Variants in HMCN2 observed in about 807,000 individuals in gnomAD.
The protein encoded by HMCN2 is hemicentin-2.
HMCN2 carries 325 observed loss-of-function variants against 377.5 expected under a neutral mutation model. The ratio of observed to expected loss-of-function variants is 0.86; its 90% confidence interval spans 0.79 to 0.94. HMCN2 has a LOEUF of 0.94. HMCN2 is among the 40% of genes least tolerant of loss of function. The pLI, the probability that HMCN2 is intolerant of heterozygous loss-of-function variation, is 0.00. For missense variants in HMCN2, 4,543 were observed against 4,725.3 expected, an observed-to-expected ratio of 0.96 and a Z score of 1.13; for synonymous variants, 2,007 against 2,046.8, an observed-to-expected ratio of 0.98 and a Z score of 0.53.
intron 23 of HMCN2, among the ~76,000 whole-genome samples, chr9:130,340,380 C>T: frequency 6.6e-6 from 1 of 152,340 alleles, no homozygotes; most frequent in Middle Eastern, 3.4e-3. Flanking sequence ...AGCAGGGTCC[C>T]TTGGCTATAA....
chr9:130,410,592 C>G lies in HMCN2; in HGVS notation c.12901C>G (p.Gln4301Glu). ...GCAGAGGGACGATGCGGGACGGTAC[C>G]AGTGCCTGGCAGAGAATGAGATGGG... ...RTERDDAGRYQCLAENEMGVA... is the reference protein window; with the variant it reads ...RTERDDAGRYECLAENEMGVA... The change falls in exon 85 of 98, where the codon CAG becomes GAG. Residue 4301 changes from glutamine (Q) to glutamate (E), a missense_variant. Physicochemically the swap from Gln to Glu is conservative, Grantham distance 29 (BLOSUM62 2). Coordinates refer to ENST00000683500, the MANE Select transcript of HMCN2 (RefSeq NM_001291815.2). 1 of 1,550,576 alleles carries G rather than the reference C, an allele frequency of 6.4e-7. No homozygotes were observed. Among genetic ancestry groups the G allele is most frequent in the Non-Finnish European group, 8.7e-7 (1 of 1,147,014 alleles).
Position 130,398,797 on chromosome 9 carries a change from G to A in HMCN2, c.11483+90G>A, listed in dbSNP as rs549161143. 4.6e-5 allele frequency: 52 copies of A among 1,118,984 alleles called. 3 individuals are homozygous for A. In the East Asian group the frequency reaches 5.4e-4, roughly 12 times the overall value. The allele number at this position is 1,118,984 out of a possible 1,614,324, so 69.3% of individuals were successfully genotyped here. A position where few individuals can be genotyped will look rare whatever the true frequency, so the allele number is the denominator to read the frequency against. On this transcript the variant is annotated intron_variant, in intron 75 of 97. Transcript: ENST00000683500. ...CGGGGGCATGGGGCAGGGACGGGGC[G>A]GGGTGTGCTCAGGTCTCACCGGAGT...
At chr9:130,388,932 GC>G (rs1842156824) in intron 62 of HMCN2, among the ~76,000 whole-genome samples, 1 of 152,178 alleles carries the variant, frequency 6.6e-6, no homozygotes, top group South Asian at 2.1e-4. Context: ...TCCTAGCTGG[GC>G]CGTTGGTCAA....
intron 86 of HMCN2, among the ~76,000 whole-genome samples, chr9:130,420,167 C>T (rs375499033): frequency 6.0e-5 from 9 of 150,786 alleles, no homozygotes; most frequent in African/African-American, 2.0e-4. Context: ...CTCTGCTCCC[C>T]GGGTTCACAC....
At position 130,391,381 on chromosome 9, in the gene HMCN2, C is replaced by A. The variant is rs1386055178; in HGVS notation, c.9827+18C>A. 1 of 987,764 alleles carries A rather than the reference C, an allele frequency of 1.0e-6. No individual in the cohort carries two copies. 61.2% of individuals were successfully genotyped at this position (987,764 alleles called of 1,614,324 possible). The stretch of plus-strand genomic sequence containing the variant: ...CACCTCCGGTAAGACTTGGCCCATG[C>A]CCTCCCCAGAGGCGGTAGGGCCCAT... On this transcript the variant is annotated intron_variant, in intron 64 of 97. Transcript: ENST00000683500.
rs1202222034 is a variant in HMCN2 at position 130,433,658 on chromosome 9, G to T, written c.15205G>T (p.Val5069Phe). Residue 5069 changes from valine (V) to phenylalanine (F), a missense_variant, in exon 98 of 98, where the codon GTC becomes TTC. Coordinates refer to ENST00000683500, the MANE Select transcript of HMCN2 (RefSeq NM_001291815.2). ...AAAPRHQSVF[V>F]LLIAVSPYPY ...GGCACCGCGCCACCAAAGCGTCTTC[G>T]TCTTGCTCATCGCCGTGTCCCCCTA... The T allele has an allele frequency of 1.3e-6, 2 of 1,515,128 alleles. No homozygotes were observed. Among genetic ancestry groups the T allele is most frequent in the East Asian group, 2.7e-5 (1 of 36,632 alleles). 93.9% of individuals were successfully genotyped at this position (1,515,128 alleles called of 1,614,324 possible). A position where few individuals can be genotyped will look rare whatever the true frequency, so the allele number is the denominator to read the frequency against.
chr9:130,383,864 G>A (rs1445614228), intron 57 of HMCN2, among the ~76,000 whole-genome samples: 1 of 152,216 alleles, frequency 6.6e-6, no homozygotes, highest in African/African-American at 2.4e-5. Flanking sequence ...CTGACACGAG[G>A]CTGAGCACTT....
chr9:130,303,229 C>T lies in HMCN2; in HGVS notation c.1421+228C>T, dbSNP rs138428671. 1.3e-5 allele frequency among the ~76,000 whole-genome samples: 2 copies of T among 152,224 alleles called. No individual in the cohort carries two copies. The highest frequency in any genetic ancestry group is 2.4e-5 in the African/African-American group (1 of 41,448). Reference sequence around the variant, plus strand: ...GCTGGTGAAGGAGCCGGGGGCCTTCCTCAGCTCCTGGAAAACTCAACCCAT... The same window carrying T: ...GCTGGTGAAGGAGCCGGGGGCCTTCTTCAGCTCCTGGAAAACTCAACCCAT... On this transcript the variant is annotated intron_variant, in intron 9 of 97. Transcript: ENST00000683500. This position sits in a 1 kb window ranked among gnomAD's most constrained non-coding sequence, Gnocchi z 5.2.
chr9:130,412,180 C>T (rs11244231), intron 85 of HMCN2, among the ~76,000 whole-genome samples: 51,476 of 152,036 alleles, frequency 0.34, 8,949 homozygotes, highest in Middle Eastern at 0.46. Flanking sequence ...CCATGTTGGC[C>T]AGGCTGCTCT....
chr9:130,424,235 GTGGCATGA>G (rs1178428738), intron 87 of HMCN2, among the ~76,000 whole-genome samples: 1 of 149,394 alleles, frequency 6.7e-6, no homozygotes, highest in African/African-American at 2.5e-5. Flanking sequence ...CTAGAGTGCA[GTGGCATGA>G]TCTTGGCTCA....
At chr9:130,301,500 G>C (rs1021321092) in intron 8 of HMCN2, among the ~76,000 whole-genome samples, 6 of 152,228 alleles carry the variant, frequency 3.9e-5, no homozygotes, top group Non-Finnish European at 8.8e-5. Context: ...GGTTTGGAGA[G>C]ATGAGGGTGG....
chr9:130,266,168 GC>G (rs34250765), intron 1 of HMCN2, 31 bp downstream of exon 1: 3 of 453,202 alleles, frequency 6.6e-6, no homozygotes, highest in African/African-American at 4.1e-5. Context: ...CCCGCCGGGC[GC>G]CCCCTTCGAG....
Position 130,389,052 on chromosome 9 carries a change from G to A in HMCN2, c.9523+512G>A, listed in dbSNP as rs566364391. ...CTCCTGGGCCCACTGTGCCTCTCAC[G>A]CAGGCTCCACGTGGGGCAGAAAGGT... On this transcript the variant is annotated intron_variant, in intron 62 of 97. Transcript: ENST00000683500. Among the ~76,000 whole-genome samples the A allele has an allele frequency of 5.9e-5, 9 of 152,138 alleles. No homozygotes were observed. In the East Asian group the frequency reaches 9.6e-4, roughly 16 times the overall value.
chr9:130,379,790 G>A (rs1214774646), intron 54 of HMCN2, among the ~76,000 whole-genome samples: 4 of 152,232 alleles, frequency 2.6e-5, no homozygotes, highest in African/African-American at 7.2e-5. Context: ...GACCCCAAAC[G>A]CTGACGAAGC....
At position 130,351,960 on chromosome 9, in the gene HMCN2, C is replaced by T. The variant is rs1839748276; in HGVS notation, c.4585+383C>T. On this transcript the variant is annotated intron_variant, in intron 30 of 97. Transcript: ENST00000683500. The surrounding 1 kb of genome is among the most constrained non-coding windows in gnomAD (Gnocchi z 5.4). The stretch of plus-strand genomic sequence containing the variant: ...CCGAGTAGCTGGGATTACAGGTGCC[C>T]ACCACCACACCCAGTTCATTTTTGT... Among the ~76,000 whole-genome samples the T allele has an allele frequency of 6.6e-6, 1 of 151,986 alleles. No homozygotes were observed. The highest frequency in any genetic ancestry group is 6.6e-5 in the Admixed American group (1 of 15,242).
chr9:130,418,591 A>G (rs990816837), intron 85 of HMCN2, among the ~76,000 whole-genome samples, 181 bp from the exon 86 acceptor site: 4 of 152,220 alleles, frequency 2.6e-5, no homozygotes, highest in African/African-American at 7.2e-5. Flanking sequence ...TCATATTTTC[A>G]TAAAGAAACA....
chr9:130,410,554 C>G lies in HMCN2; in HGVS notation c.12880-17C>G, dbSNP rs866963911. 6.5e-7 allele frequency: 1 copy of G among 1,549,690 alleles called. No homozygotes were observed. Among genetic ancestry groups the G allele is most frequent in the Middle Eastern group, 1.7e-4 (1 of 5,990 alleles). ...CTTCTCTGAGCACCATGCCTCCTCT[C>G]CTGTGCCCACTTGCAGAGGGACGAT... On this transcript the variant is annotated splice_polypyrimidine_tract_variant and intron_variant, in intron 84 of 97. Transcript: ENST00000683500.
intron 15 of HMCN2, 107 bp downstream of exon 15, chr9:130,310,168 G>C (rs1554938572): frequency 5.9e-6 from 2 of 340,386 alleles, no homozygotes; most frequent in African/African-American, 2.2e-5. Context: ...GGCCAGTGTA[G>C]ATGGCATCAT....
chr9:130,310,963 C>T (rs1187940175), intron 15 of HMCN2, among the ~76,000 whole-genome samples: 1 of 152,126 alleles, frequency 6.6e-6, no homozygotes, highest in African/African-American at 2.4e-5. Flanking sequence ...TTAGTAAATG[C>T]GGGGAGAGGG....
Sources: allele counts gnomAD v4.1 joint callset (sites outside exome capture counted in the v4.1 genomes callset), GRCh38; gene constraint gnomAD v4.1.1; non-coding constraint Gnocchi (gnomAD v3.1); transcripts MANE v1.5; gene names NCBI Gene and HGNC (gene_info 2026-07-23, HGNC 2026-07-21).